Variants in TULP4 observed in about 807,000 individuals in gnomAD.
The protein encoded by TULP4 is TUB like protein 4.
A neutral mutation model predicts 129.0 loss-of-function variants in TULP4; 16 were observed. The ratio of observed to expected loss-of-function variants is 0.12; its 90% CI spans 0.08 to 0.19. TULP4 has a LOEUF of 0.19. TULP4 is among the 10% of genes least tolerant of loss of function. The probability of loss-of-function intolerance (pLI) is 1.00; values close to 1 mark genes in which losing one functional copy is unlikely to be tolerated. For missense variants in TULP4, 1,842 were observed against 2,059.1 expected (o/e 0.89, Z 2.04); for synonymous variants, 998 against 854.0 (o/e 1.17, Z -2.94).
At chr6:158,317,673 A>G (rs1489624417) in intron 1 of TULP4, among the ~76,000 whole-genome samples, 1 of 152,222 alleles carries the variant, frequency 6.6e-6, no homozygotes, top group Non-Finnish European at 1.5e-5. Flanking sequence ...GTATATACCC[A>G]GTAATGGGAT....
At chr6:158,486,873 G>C (rs1023856189) in intron 8 of TULP4, among the ~76,000 whole-genome samples, 1 of 152,172 alleles carries the variant, frequency 6.6e-6, no homozygotes, top group Non-Finnish European at 1.5e-5. Context: ...CACTTTGGGA[G>C]GCCAAGGCGG....
At chr6:158,253,592 T>TAAACAAAACAAAATTGGAC (rs1778186043) in intron 1 of TULP4, among the ~76,000 whole-genome samples, 1 of 151,630 alleles carries the variant, frequency 6.6e-6, no homozygotes, top group African/African-American at 2.4e-5. Flanking sequence ...CCTGTTAATG[T>TAAACAAAACAAAATTGGAC]TAGTTGACCT....
At chr6:158,297,695 C>T (rs1368781266) in intron 1 of TULP4, among the ~76,000 whole-genome samples, 1 of 152,152 alleles carries the variant, frequency 6.6e-6, no homozygotes, top group South Asian at 2.1e-4. Context: ...GTTCGGGGTG[C>T]CTGACTTCCC....
chr6:158,443,070 G>T (rs1210183173), intron 3 of TULP4, among the ~76,000 whole-genome samples: 2 of 151,776 alleles, frequency 1.3e-5, no homozygotes, highest in African/African-American at 4.8e-5. Context: ...TGCAACCTCC[G>T]CCTCCTGGGT....
At chr6:158,494,555 C>T (rs551467055) in intron 10 of TULP4, among the ~76,000 whole-genome samples, 198 bp from the exon 11 acceptor site, 25 of 152,248 alleles carry the variant, frequency 1.6e-4, no homozygotes, top group Non-Finnish European at 2.1e-4. Flanking sequence ...CAGCTCGATG[C>T]GCCCCCACTC....
intron 3 of TULP4, among the ~76,000 whole-genome samples, chr6:158,443,706 G>T (rs1449648494): frequency 6.6e-6 from 1 of 151,846 alleles, no homozygotes; most frequent in Non-Finnish European, 1.5e-5. Flanking sequence ...TACATGTTTA[G>T]CCTGAAGATA....
At chr6:158,322,232 A>G (rs1336354931) in intron 1 of TULP4, among the ~76,000 whole-genome samples, 1 of 152,248 alleles carries the variant, frequency 6.6e-6, no homozygotes, top group Non-Finnish European at 1.5e-5. Context: ...TAAATTCTAC[A>G]TAGAAAGTGA....
At chr6:158,342,668 G>A (rs1780208090) in intron 1 of TULP4, among the ~76,000 whole-genome samples, 1 of 152,168 alleles carries the variant, frequency 6.6e-6, no homozygotes, top group African/African-American at 2.4e-5. Flanking sequence ...CTTCTTGAAA[G>A]GGTGGATTGA....
Position 158,505,400 on chromosome 6 carries a change from A to C in TULP4, c.4516-1178A>C, listed in dbSNP as rs373148841. 2.6e-4 allele frequency among the ~76,000 whole-genome samples: 40 copies of C among 152,354 alleles called. 2 individuals carry two copies. Among genetic ancestry groups the C allele is most frequent in the African/African-American group, 9.4e-4 (39 of 41,580 alleles). On this transcript the variant is annotated intron_variant, in intron 13 of 13. Coordinates refer to ENST00000367097, the MANE Select transcript of TULP4 (RefSeq NM_020245.5). ...TCTTTTTGGAACAAAGTTTTATTGG[A>C]GCACAGCCACGCTCATTCACCTGAG...
At chr6:158,307,807 GA>G (rs1381036458), upstream of TULP4, among the ~76,000 whole-genome samples, 1 of 151,828 alleles carries the variant, frequency 6.6e-6, no homozygotes, top group African/African-American at 2.4e-5. Context: ...TGGTCATTTG[GA>G]AAATATTGGT....
intron 1 of TULP4, among the ~76,000 whole-genome samples, chr6:158,258,952 A>T (rs944448329): frequency 6.6e-6 from 1 of 152,218 alleles, no homozygotes; most frequent in Non-Finnish European, 1.5e-5. Flanking sequence ...TAAATTTGCC[A>T]GGTATAGTGG....
chr6:158,504,306 G>A (rs1562596289), intron 13 of TULP4, 128 bp downstream of exon 13: 2 of 760,966 alleles, frequency 2.6e-6, no homozygotes, highest in Non-Finnish European at 4.2e-6. Context: ...CTTAGGTGGA[G>A]CTCATGGGGT....
At chr6:158,282,158 C>G (rs904555437), upstream of TULP4, 1 of 152,078 alleles carries the variant, frequency 6.6e-6, no homozygotes, top group East Asian at 1.9e-4. Flanking sequence ...CTAATAGATT[C>G]TTTAAAACAA....
rs112897460 is a variant in TULP4 at position 158,292,052 on chromosome 6, T to A, written n.116+9674T>A. ...TTTTAATTGTAAACAGATTTTTGGT[T>A]GAACCTTATCTGGGGGAATCCTTAT... is the stretch of plus-strand genomic sequence containing the variant. On this transcript the variant is annotated intron_variant and non_coding_transcript_variant, in intron 1 of 1. Transcript: ENST00000432358. Among the ~76,000 whole-genome samples, 3 of 152,228 alleles carry A rather than the reference T, an allele frequency of 2.0e-5. No individual in the cohort carries two copies. The East Asian group carries it at 5.8e-4, about 29-fold the overall frequency.
Position 158,429,825 on chromosome 6 carries a change from A to G in TULP4, c.471A>G (p.Gln157=), listed in dbSNP as rs762916496. The part of the protein sequence containing the change: ...GFVLVGSVSG[Q]RHWSSEINLE... ...TCCTGGTTGGGTCTGTCAGTGGACA[A>G]AGACACTGGTCATCCGAAATCAACT... is the stretch of plus-strand genomic sequence containing the variant. Residue 157 remains glutamine, a synonymous_variant, in exon 3 of 14, where the codon CAA becomes CAG. Coordinates refer to ENST00000367097, the MANE Select transcript of TULP4 (RefSeq NM_020245.5). 1.5e-5 allele frequency: 24 copies of G among 1,614,044 alleles called. No individual in the cohort carries two copies. In the South Asian group the frequency reaches 2.3e-4, roughly 16 times the overall value.
At chr6:158,314,457 G>T (rs1391475984) in intron 1 of TULP4, among the ~76,000 whole-genome samples, 189 bp downstream of exon 1, 2 of 152,210 alleles carry the variant, frequency 1.3e-5, no homozygotes. Context: ...AGTAGGCTGC[G>T]CCTCCCCAGG....
intron 6 of TULP4, among the ~76,000 whole-genome samples, chr6:158,471,470 A>G (rs1431548612): frequency 6.6e-6 from 1 of 152,220 alleles, no homozygotes; most frequent in Non-Finnish European, 1.5e-5. Context: ...CAGTGGTTAG[A>G]TACTTCATGA....
intron 3 of TULP4, among the ~76,000 whole-genome samples, chr6:158,433,395 G>A (rs1778675343): frequency 6.6e-6 from 1 of 152,198 alleles, no homozygotes; most frequent in Non-Finnish European, 1.5e-5. Flanking sequence ...TAGTCTGAGG[G>A]TTGCTGAGTT....
chr6:158,440,099 G>A (rs950130536), intron 3 of TULP4, among the ~76,000 whole-genome samples: 2 of 151,812 alleles, frequency 1.3e-5, no homozygotes, highest in African/African-American at 4.8e-5. Context: ...ACCGAGGCGG[G>A]AGGATCACTG....
Sources: allele counts gnomAD v4.1 joint callset (sites outside exome capture counted in the v4.1 genomes callset), GRCh38; gene constraint gnomAD v4.1.1; transcripts MANE v1.5; gene names NCBI Gene and HGNC (gene_info 2026-07-23, HGNC 2026-07-21).